Variants in TOX observed in about 807,000 individuals in gnomAD.
TOX encodes thymocyte selection-associated high mobility group box protein TOX.
In TOX, 11 loss-of-function variants were observed where a neutral mutation model predicts 53.7. The observed-to-expected ratio is 0.20, with a 90% confidence interval of 0.13 to 0.34. The LOEUF (loss-of-function observed/expected upper bound fraction) is 0.34, where lower values mean the gene tolerates loss of function less well. Among genes scored for constraint, TOX ranks in the 10% least tolerant of loss-of-function variants. The pLI, the probability that TOX is intolerant of heterozygous loss-of-function variation, is 1.00. For synonymous variants in TOX, 225 were observed against 245.3 expected, an observed-to-expected ratio of 0.92 and a Z score of 0.77; for missense variants, 570 against 664.6, an observed-to-expected ratio of 0.86 and a Z score of 1.56.
chr8:58,824,035 T>C (rs144922610), intron 6 of TOX, among the ~76,000 whole-genome samples: 1 of 152,270 alleles, frequency 6.6e-6, no homozygotes, highest in Non-Finnish European at 1.5e-5. Context: ...AATGACCTTA[T>C]CAGAGAGAAT....
At chr8:58,927,133 C>T (rs1812176564) in intron 3 of TOX, among the ~76,000 whole-genome samples, 1 of 152,010 alleles carries the variant, frequency 6.6e-6, no homozygotes, top group Admixed American at 6.6e-5. Context: ...GGATTTCAAG[C>T]CCATCCTTCT....
At chr8:58,877,031 T>C (rs1422106407) in intron 3 of TOX, among the ~76,000 whole-genome samples, 10 of 152,206 alleles carry the variant, frequency 6.6e-5, no homozygotes, top group Non-Finnish European at 1.3e-4. Context: ...ATTAAAAGCA[T>C]CACAAAGGCT....
At chr8:58,992,656 T>C (rs1323451931) in intron 1 of TOX, 4 of 152,196 alleles carry the variant, frequency 2.6e-5, no homozygotes. Context: ...TCTTAATCAA[T>C]CGTGCTTATG....
chr8:58,931,167 G>T (rs1210736223), intron 3 of TOX, among the ~76,000 whole-genome samples: 1 of 152,084 alleles, frequency 6.6e-6, no homozygotes, highest in Non-Finnish European at 1.5e-5. Context: ...CAATGAATCA[G>T]CAATTAAACA....
At chr8:59,062,009 C>G (rs910648876) in intron 1 of TOX, among the ~76,000 whole-genome samples, 34 of 152,182 alleles carry the variant, frequency 2.2e-4, no homozygotes, top group Non-Finnish European at 2.6e-4. Context: ...TTGTCCTAAA[C>G]ATTCCAAGAA....
At chr8:59,047,514 G>A (rs928745481) in intron 1 of TOX, among the ~76,000 whole-genome samples, 1 of 151,754 alleles carries the variant, frequency 6.6e-6, no homozygotes, top group Admixed American at 6.6e-5. Flanking sequence ...GTGAGCCACC[G>A]CGCCCGGCTG....
chr8:58,944,925 G>T (rs1251987320), intron 2 of TOX, among the ~76,000 whole-genome samples: 1 of 152,118 alleles, frequency 6.6e-6, no homozygotes, highest in Non-Finnish European at 1.5e-5. Flanking sequence ...GTGTAAACCC[G>T]TTCATACCTA....
At chr8:59,085,308 A>T (rs1408585436) in intron 1 of TOX, among the ~76,000 whole-genome samples, 1 of 152,248 alleles carries the variant, frequency 6.6e-6, no homozygotes, top group Admixed American at 6.5e-5. Context: ...ATTAACTATT[A>T]AGAAAAGTAA....
chr8:58,929,965 C>T (rs924725907), intron 3 of TOX, among the ~76,000 whole-genome samples: 9 of 152,110 alleles, frequency 5.9e-5, no homozygotes, highest in South Asian at 4.1e-4. Context: ...GGATCAACTA[C>T]ACATTGTAAT....
chr8:58,861,537 G>GCCC (rs1475259892), intron 3 of TOX, among the ~76,000 whole-genome samples: 1 of 152,130 alleles, frequency 6.6e-6, no homozygotes, highest in Non-Finnish European at 1.5e-5. Flanking sequence ...CCTTTGTTTT[G>GCCC]ATGTGCCCAG....
At chr8:59,053,347 G>A (rs1480346577) in intron 1 of TOX, among the ~76,000 whole-genome samples, 2 of 151,942 alleles carry the variant, frequency 1.3e-5, no homozygotes, top group African/African-American at 2.4e-5. Context: ...AAAAAACAAC[G>A]GAACACATGG....
At chr8:58,993,232 T>C (rs1813489768) in intron 1 of TOX, among the ~76,000 whole-genome samples, 1 of 152,248 alleles carries the variant, frequency 6.6e-6, no homozygotes, top group South Asian at 2.1e-4. Context: ...GTCATTGTCT[T>C]CAAGCTACAC....
chr8:59,042,930 C>A (rs1355101677), intron 1 of TOX, among the ~76,000 whole-genome samples: 2 of 129,918 alleles, frequency 1.5e-5, no homozygotes, highest in East Asian at 1.9e-4. Flanking sequence ...CCTCACATAG[C>A]ATTTTTCGTG....
intron 1 of TOX, among the ~76,000 whole-genome samples, chr8:59,039,171 C>A (rs1803526010): frequency 6.6e-6 from 1 of 152,216 alleles, no homozygotes; most frequent in African/African-American, 2.4e-5. Context: ...TCACATCAAT[C>A]ATTCATTAGT....
intron 1 of TOX, among the ~76,000 whole-genome samples, chr8:59,116,117 A>G (rs1805095021): frequency 1.3e-5 from 2 of 152,190 alleles, no homozygotes; most frequent in Admixed American, 1.3e-4. Context: ...CAGTTGTAGG[A>G]TTCTAAAGCA....
At chr8:58,989,983 A>T (rs774147652) in intron 1 of TOX, among the ~76,000 whole-genome samples, 2 of 152,206 alleles carry the variant, frequency 1.3e-5, no homozygotes, top group Non-Finnish European at 2.9e-5. Flanking sequence ...CAAAGTCCTC[A>T]GTGCTGTATC....
Position 59,118,974 on chromosome 8 carries a change from A to T in TOX, c.14T>A (p.Phe5Tyr). 10 of 1,603,270 alleles carry T rather than the reference A, an allele frequency of 6.2e-6. No homozygotes were observed. Among genetic ancestry groups the T allele is most frequent in the Non-Finnish European group, 8.5e-6 (10 of 1,174,066 alleles). MDVRFYPPPAQPAAA... is the reference protein window; with the variant it reads MDVRYYPPPAQPAAA... Reference sequence around the variant, plus strand: ...GGCGGGCTGGGCTGGAGGTGGATAAAATCTTACGTCCATTTCACTCTCACA... The same window carrying T: ...GGCGGGCTGGGCTGGAGGTGGATAATATCTTACGTCCATTTCACTCTCACA... The change falls in exon 1 of 9, where the codon TTT (phenylalanine) becomes TAT (tyrosine). Residue 5 changes from phenylalanine to tyrosine, a missense_variant. Physicochemically the swap from Phe to Tyr is conservative, Grantham distance 22. Around this residue, in one of 3 missense-constraint regions of TOX, gnomAD observed 282 missense variants for 315.0 expected, o/e 0.90. Transcript: ENST00000361421. The surrounding 1 kb of genome is among the most constrained non-coding windows in gnomAD (Gnocchi z 4.1).
chr8:58,913,039 C>T (rs547352084), intron 3 of TOX, among the ~76,000 whole-genome samples: 58 of 152,352 alleles, frequency 3.8e-4, no homozygotes, highest in African/African-American at 1.3e-3. Context: ...AGGTTCTCTA[C>T]GAACTGGCCC....
intron 1 of TOX, among the ~76,000 whole-genome samples, chr8:59,085,329 C>CT (rs1465223158): frequency 3.9e-5 from 6 of 152,144 alleles, no homozygotes; most frequent in African/African-American, 9.7e-5. Flanking sequence ...TGTAATCAAA[C>CT]TTTTTTTAAA....
Sources: allele counts gnomAD v4.1 joint callset (sites outside exome capture counted in the v4.1 genomes callset), GRCh38; gene constraint gnomAD v4.1.1; regional missense constraint gnomAD v4.1.1; non-coding constraint Gnocchi (gnomAD v3.1); transcripts MANE v1.5; gene names NCBI Gene and HGNC (gene_info 2026-07-23, HGNC 2026-07-21).